The following INSYN2A variants were observed in gnomAD, a reference collection of about 807,000 sequenced individuals.
INSYN2A encodes the protein inhibitory synaptic factor 2A, also known as family with sequence similarity 196 member A.
In INSYN2A, 17 loss-of-function variants were observed where a neutral mutation model predicts 39.4. The observed-to-expected ratio is 0.43, with a 90% confidence interval of 0.30 to 0.65. The LOEUF (loss-of-function observed/expected upper bound fraction) is 0.65. INSYN2A is among the 30% of genes least tolerant of loss of function. The pLI is 0.14. For missense variants in INSYN2A, 595 were observed against 631.2 expected (o/e 0.94, Z 0.61); for synonymous variants, 255 against 265.7 (o/e 0.96, Z 0.39).
rs2050782599 is a variant in INSYN2A, at chr10:127,137,276, T to C, written c.*561A>G. 1 of 152,818 alleles carries C rather than the reference T, an allele frequency of 6.5e-6. No individual in the cohort carries two copies. The highest frequency in any genetic ancestry group is 6.5e-5 in the Admixed American group (1 of 15,300). The allele number at this position is 152,818 out of a possible 1,614,324, so 9.5% of individuals were successfully genotyped here. A position where few individuals can be genotyped will look rare whatever the true frequency, so the allele number is the denominator to read the frequency against. On this transcript the variant is annotated 3_prime_UTR_variant, in exon 6 of 6. Transcript: ENST00000522781. ...GCGCTATAGCACATGAAGGCAAATA[T>C]ACATATAGTCACATTTTAGAGATTA...
chr10:127,158,620 A>G (rs574248807), intron 4 of INSYN2A, among the ~76,000 whole-genome samples: 1 of 152,296 alleles, frequency 6.6e-6, no homozygotes, highest in African/African-American at 2.4e-5. Flanking sequence ...AGTCCAGAAT[A>G]ACACACTTAC....
intron 4 of INSYN2A, among the ~76,000 whole-genome samples, chr10:127,161,980 C>G (rs2053628696): frequency 6.6e-6 from 1 of 152,172 alleles, no homozygotes; most frequent in Non-Finnish European, 1.5e-5. Flanking sequence ...AAACTGTCTC[C>G]CATGTTTTCT....
At chr10:127,177,683 G>C (rs2055305205) in intron 2 of INSYN2A, among the ~76,000 whole-genome samples, 1 of 152,218 alleles carries the variant, frequency 6.6e-6, no homozygotes, top group Non-Finnish European at 1.5e-5. Context: ...TGTCCTGGGG[G>C]TGTCTGAAAA....
At chr10:127,161,925 G>C (rs563379805) in intron 4 of INSYN2A, among the ~76,000 whole-genome samples, 1 of 152,322 alleles carries the variant, frequency 6.6e-6, no homozygotes, top group South Asian at 2.1e-4. Flanking sequence ...CCCTGTTCCA[G>C]AGAAACTTAG....
chr10:127,159,587 C>G (rs575258026), intron 4 of INSYN2A, among the ~76,000 whole-genome samples: 2 of 152,072 alleles, frequency 1.3e-5, no homozygotes, highest in African/African-American at 2.4e-5. Context: ...TCAGTTAATC[C>G]TTTTTGGACC....
At chr10:127,154,215 C>T (rs894690982) in intron 4 of INSYN2A, among the ~76,000 whole-genome samples, 1 of 152,140 alleles carries the variant, frequency 6.6e-6, no homozygotes, top group African/African-American at 2.4e-5. Context: ...TGTTTCAATG[C>T]AGATTTATGG....
intron 2 of INSYN2A, among the ~76,000 whole-genome samples, chr10:127,187,671 G>A (rs1441142229): frequency 6.6e-6 from 1 of 151,824 alleles, no homozygotes; most frequent in Non-Finnish European, 1.5e-5. Flanking sequence ...TCGCTCCCTC[G>A]AAGGCCACAC....
intron 5 of INSYN2A, among the ~76,000 whole-genome samples, chr10:127,151,974 C>T (rs935290297): frequency 3.3e-5 from 5 of 151,514 alleles, no homozygotes; most frequent in Non-Finnish European, 5.9e-5. Context: ...GAGCTAAGTT[C>T]ATTTAAATTA....
chr10:127,138,512 C>G (rs1189155918), intron 5 of INSYN2A, among the ~76,000 whole-genome samples: 2 of 152,134 alleles, frequency 1.3e-5, no homozygotes, highest in Non-Finnish European at 2.9e-5. Context: ...AGGAAATGAC[C>G]TTGGCTGACA....
chr10:127,155,871 A>G (rs1022818731), intron 4 of INSYN2A, among the ~76,000 whole-genome samples: 1 of 152,146 alleles, frequency 6.6e-6, no homozygotes, highest in African/African-American at 2.4e-5. Context: ...GGTGCTGGCA[A>G]TGGCACGGTC....
In INSYN2A at chr10:127,135,757, T is replaced by G. The variant is rs1396806990; in HGVS notation, c.*2080A>C. On this transcript the variant is annotated 3_prime_UTR_variant, in exon 6 of 6. Transcript: ENST00000522781. ...TTTATTTTTTTTTGGTCTAGACTGG[T>G]GTGAAACAGTGACATTATTTTGTGT... 6.6e-6 allele frequency: 1 copy of G among 152,652 alleles called. No homozygotes were observed. The highest frequency in any genetic ancestry group is 2.4e-5 in the African/African-American group (1 of 41,466). The allele number at this position is 152,652 out of a possible 1,614,324, so 9.5% of individuals were successfully genotyped here.
At chr10:127,187,180 A>T (rs2056351072) in intron 2 of INSYN2A, among the ~76,000 whole-genome samples, 1 of 152,248 alleles carries the variant, frequency 6.6e-6, no homozygotes, top group Non-Finnish European at 1.5e-5. Flanking sequence ...AACTCAATGA[A>T]GAGTCCCATT....
chr10:127,185,514 CTAT>C (rs1326363178), intron 2 of INSYN2A, among the ~76,000 whole-genome samples: 1 of 152,178 alleles, frequency 6.6e-6, no homozygotes, highest in African/African-American at 2.4e-5. Context: ...AATCTTAACA[CTAT>C]ACATCACAGT....
At chr10:127,138,874 T>G (rs1468714473) in intron 5 of INSYN2A, among the ~76,000 whole-genome samples, 1 of 152,244 alleles carries the variant, frequency 6.6e-6, no homozygotes, top group African/African-American at 2.4e-5. Context: ...CTCGTCTCCA[T>G]GTCTTTGAAA....
At chr10:127,143,594 G>C (rs2051485415) in intron 5 of INSYN2A, among the ~76,000 whole-genome samples, 1 of 152,178 alleles carries the variant, frequency 6.6e-6, no homozygotes, top group Admixed American at 6.5e-5. Context: ...GGTAGGACCA[G>C]CCATGTCCCC....
intron 4 of INSYN2A, among the ~76,000 whole-genome samples, chr10:127,174,323 G>A (rs1044897281): frequency 1.5e-4 from 23 of 152,138 alleles, no homozygotes; most frequent in Non-Finnish European, 2.9e-5. Context: ...AGAGGTCTCG[G>A]CAATCCAGGC....
rs1413888086 is a variant in INSYN2A, at chr10:127,176,421, A to G, written c.-5-21T>C. ...GGTTCCTGCATTCAGAAACAGCAAC[A>G]GAGGTGTCAGTGGGACAGAAATACA... On this transcript the variant is annotated intron_variant, in intron 3 of 5. Transcript: ENST00000522781. This position sits in a 1 kb window ranked among gnomAD's most constrained non-coding sequence, Gnocchi z 4.4. 3 of 1,568,832 alleles carry G rather than the reference A, an allele frequency of 1.9e-6. No individual in the cohort carries two copies. The highest frequency in any genetic ancestry group is 2.6e-6 in the Non-Finnish European group (3 of 1,157,072).
chr10:127,166,025 C>CA (rs1480686858), intron 4 of INSYN2A, among the ~76,000 whole-genome samples: 1 of 152,110 alleles, frequency 6.6e-6, no homozygotes, highest in East Asian at 1.9e-4. Flanking sequence ...CTTGCATTAG[C>CA]AAAAAAATTA....
At chr10:127,179,842 T>G (rs193104360) in intron 2 of INSYN2A, among the ~76,000 whole-genome samples, 15 of 152,348 alleles carry the variant, frequency 9.8e-5, no homozygotes, top group African/African-American at 3.1e-4. Context: ...AAGCATGCAG[T>G]TAAGTGCTCC....
Sources: gnomAD v4.1 joint callset for allele counts (sites outside exome capture counted in the v4.1 genomes callset) on GRCh38, gnomAD v4.1.1 for gene constraint, Gnocchi (gnomAD v3.1) non-coding constraint, MANE v1.5 for transcripts, NCBI Gene and HGNC (gene_info 2026-07-23, HGNC 2026-07-21) for gene names.